The following PAX8 variants were observed in gnomAD, a reference collection of about 807,000 sequenced individuals.
PAX8 encodes paired box 8.
In PAX8, 15 loss-of-function variants were observed where a neutral mutation model predicts 52.4. The ratio of observed to expected loss-of-function variants is 0.29; its 90% CI spans 0.19 to 0.44. The LOEUF (loss-of-function observed/expected upper bound fraction) is 0.44, where lower values mean the gene tolerates loss of function less well. Ranked by LOEUF, PAX8 falls within the 20% of genes least tolerant of loss-of-function variation. The pLI is 1.00. For synonymous variants in PAX8, 284 were observed against 249.7 expected, an observed-to-expected ratio of 1.14 and a Z score of -1.29; for missense variants, 554 against 602.5, an observed-to-expected ratio of 0.92 and a Z score of 0.84.
chr2:113,233,870 G>A (rs562980622), intron 9 of PAX8, among the ~76,000 whole-genome samples: 2 of 152,088 alleles, frequency 1.3e-5, no homozygotes, highest in African/African-American at 4.8e-5. Flanking sequence ...TCTGTAAAAG[G>A]CTTCATTTCA....
intron 3 of PAX8, among the ~76,000 whole-genome samples, 198 bp from the exon 4 acceptor site, chr2:113,244,822 C>A (rs1691176496): frequency 6.6e-6 from 1 of 152,144 alleles, no homozygotes; most frequent in Non-Finnish European, 1.5e-5. Context: ...CATGCTACTG[C>A]CAAACCAGCA....
At chr2:113,253,785 A>G (rs1379681971) in intron 2 of PAX8, among the ~76,000 whole-genome samples, 1 of 152,164 alleles carries the variant, frequency 6.6e-6, no homozygotes, top group Non-Finnish European at 1.5e-5. Context: ...AGCATCAAAT[A>G]TAACTGCTGT....
intron 2 of PAX8, among the ~76,000 whole-genome samples, chr2:113,256,337 T>A (rs1692243575): frequency 6.6e-6 from 1 of 152,126 alleles, no homozygotes; most frequent in Non-Finnish European, 1.5e-5. Flanking sequence ...AGGAAGAGCC[T>A]GTGGAGCTGG....
intron 2 of PAX8, chr2:113,265,766 T>C (rs1441230028): frequency 2.0e-5 from 3 of 152,218 alleles, no homozygotes; most frequent in South Asian, 4.1e-4. Context: ...ACTCCCTGCC[T>C]GCCACACTGA....
intron 10 of PAX8, among the ~76,000 whole-genome samples, chr2:113,222,189 C>T (rs1214183341): frequency 1.3e-5 from 2 of 152,192 alleles, no homozygotes; most frequent in African/African-American, 4.8e-5. Flanking sequence ...GTGCCAACTG[C>T]CTCCTGTTTA....
At chr2:113,252,501 A>G (rs940376774) in intron 2 of PAX8, among the ~76,000 whole-genome samples, 1 of 152,196 alleles carries the variant, frequency 6.6e-6, no homozygotes, top group African/African-American at 2.4e-5. Context: ...AAGTCTGCAC[A>G]CTGGATCATG....
chr2:113,235,895 C>G, intron 8 of PAX8: 1 of 386,808 alleles, frequency 2.6e-6, no homozygotes, highest in Non-Finnish European at 4.7e-6. Context: ...ACCCCTCGGC[C>G]CACCTTGAGG....
chr2:113,225,767 T>G, intron 10 of PAX8: 1 of 255,746 alleles, frequency 3.9e-6, no homozygotes, highest in Non-Finnish European at 6.1e-6. Context: ...GCTTTATGTT[T>G]CTTCCTCCTC....
At chr2:113,228,787 C>A (rs962086757) in intron 9 of PAX8, among the ~76,000 whole-genome samples, 2 of 152,184 alleles carry the variant, frequency 1.3e-5, no homozygotes, top group African/African-American at 4.8e-5. Flanking sequence ...GCTTGTCCAA[C>A]TATCCACCCA....
chr2:113,277,605 C>T (rs1392332990), intron 2 of PAX8, among the ~76,000 whole-genome samples: 1 of 152,214 alleles, frequency 6.6e-6, no homozygotes, highest in Non-Finnish European at 1.5e-5. Flanking sequence ...CGCTGCGCGC[C>T]GGGACGGCTG....
chr2:113,231,044 A>G (rs528981694), intron 9 of PAX8, among the ~76,000 whole-genome samples: 1 of 152,324 alleles, frequency 6.6e-6, no homozygotes, highest in South Asian at 2.1e-4. Flanking sequence ...TCATAAAGCT[A>G]TTGCCTGGAG....
intron 9 of PAX8, among the ~76,000 whole-genome samples, chr2:113,228,467 C>A (rs1172495387): frequency 6.6e-6 from 1 of 152,366 alleles, no homozygotes; most frequent in East Asian, 1.9e-4. Flanking sequence ...CAATTCTTTG[C>A]TGCAGGAGGC....
chr2:113,245,289 G>T (rs531845158), intron 3 of PAX8, among the ~76,000 whole-genome samples: 1 of 151,992 alleles, frequency 6.6e-6, no homozygotes. Context: ...CAAGTGATCC[G>T]CCCACCTTGG....
At chr2:113,227,739 T>G (rs764328231) in intron 9 of PAX8, among the ~76,000 whole-genome samples, 3 of 152,068 alleles carry the variant, frequency 2.0e-5, no homozygotes, top group Non-Finnish European at 4.4e-5. Flanking sequence ...ATGGCATGTA[T>G]GTGGGCCACT....
chr2:113,248,531 C>T (rs566124221), intron 2 of PAX8, among the ~76,000 whole-genome samples: 2 of 152,282 alleles, frequency 1.3e-5, no homozygotes, highest in East Asian at 1.9e-4. Flanking sequence ...TGTTTATGGC[C>T]GAGGGTGGGA....
At chr2:113,270,381 A>G (rs1693385081) in intron 2 of PAX8, 1 of 152,214 alleles carries the variant, frequency 6.6e-6, no homozygotes, top group Admixed American at 6.5e-5. Flanking sequence ...AAGGGGAAGT[A>G]CAAGCCCAGA....
intron 2 of PAX8, chr2:113,259,489 C>T (rs1235337683): frequency 1.3e-5 from 2 of 152,822 alleles, no homozygotes; most frequent in Non-Finnish European, 2.9e-5. Flanking sequence ...TTTCATCTGA[C>T]CATGCAGGCG....
At chr2:113,278,250 C>A (rs1054307995) in intron 2 of PAX8, 120 bp downstream of exon 2, 1 of 799,316 alleles carries the variant, frequency 1.3e-6, no homozygotes, top group Non-Finnish European at 2.0e-6. Flanking sequence ...CAGCTGGGTC[C>A]CCACGCGGGT....
At chr2:113,242,355 C>T (rs1690930338) in intron 5 of PAX8, among the ~76,000 whole-genome samples, 1 of 147,560 alleles carries the variant, frequency 6.8e-6, no homozygotes, top group African/African-American at 2.4e-5. Context: ...CTCACAGTCC[C>T]TGCTGACACT....
Sources: gnomAD v4.1 joint callset for allele counts (sites outside exome capture counted in the v4.1 genomes callset) on GRCh38, gnomAD v4.1.1 for gene constraint, MANE v1.5 for transcripts, NCBI Gene and HGNC (gene_info 2026-07-23, HGNC 2026-07-21) for gene names.